Variants in BMP5 observed in about 807,000 individuals in gnomAD.
BMP5 encodes the protein bone morphogenetic protein 5.
In BMP5, 23 loss-of-function variants were observed where a neutral mutation model predicts 46.6. The observed-to-expected ratio is 0.49, with a 90% CI of 0.35 to 0.70. The LOEUF (loss-of-function observed/expected upper bound fraction) is 0.70, where lower values mean the gene tolerates loss of function less well. Among genes scored for constraint, BMP5 ranks in the 30% least tolerant of loss-of-function variants. The pLI, the probability that BMP5 is intolerant of heterozygous loss-of-function variation, is 0.00. For synonymous variants in BMP5, 204 were observed against 191.9 expected (o/e 1.06, Z -0.52); for missense variants, 545 against 565.6 (o/e 0.96, Z 0.37).
intron 1 of BMP5, among the ~76,000 whole-genome samples, chr6:55,827,788 A>G (rs1427296807): frequency 8.6e-5 from 13 of 151,842 alleles, no homozygotes; most frequent in African/African-American, 3.1e-4. Flanking sequence ...CATTCTGTAT[A>G]ATGAAAAATG....
intron 2 of BMP5, among the ~76,000 whole-genome samples, chr6:55,815,724 T>G (rs1188663271): frequency 6.6e-6 from 1 of 152,106 alleles, no homozygotes; most frequent in Admixed American, 6.6e-5. Flanking sequence ...AATTAAAATT[T>G]CCCAAAACTA....
chr6:55,769,401 T>C (rs1774994058), intron 4 of BMP5, among the ~76,000 whole-genome samples: 1 of 151,906 alleles, frequency 6.6e-6, no homozygotes, highest in East Asian at 1.9e-4. Flanking sequence ...TGCTCAACCA[T>C]AAGAAGCAAC....
At chr6:55,825,814 A>G (rs1289964857) in intron 1 of BMP5, among the ~76,000 whole-genome samples, 1 of 151,866 alleles carries the variant, frequency 6.6e-6, no homozygotes, top group Non-Finnish European at 1.5e-5. Context: ...AATCTCCCAC[A>G]CAAGAGCTGT....
chr6:55,785,298 A>C (rs948214477), intron 3 of BMP5, among the ~76,000 whole-genome samples: 3 of 151,858 alleles, frequency 2.0e-5, no homozygotes, highest in African/African-American at 7.2e-5. Context: ...AAATACATGG[A>C]GTATATTTTA....
At chr6:55,765,909 C>A (rs1774906015) in intron 4 of BMP5, among the ~76,000 whole-genome samples, 1 of 152,116 alleles carries the variant, frequency 6.6e-6, no homozygotes, top group Non-Finnish European at 1.5e-5. Flanking sequence ...AATCTATCCA[C>A]AAACCTGAAT....
intron 1 of BMP5, among the ~76,000 whole-genome samples, chr6:55,847,292 G>A (rs1562068151): frequency 6.6e-6 from 1 of 151,868 alleles, no homozygotes; most frequent in African/African-American, 2.4e-5. Flanking sequence ...CTCAACCAGG[G>A]CAGTCCCAGC....
In BMP5 at chr6:55,874,672, G is replaced by A. The variant is rs765020850; in HGVS notation, c.194C>T (p.Pro65Leu). 2.5e-6 allele frequency: 4 copies of A among 1,613,458 alleles called. No homozygotes were observed. The highest frequency in any genetic ancestry group is 3.4e-6 in the Non-Finnish European group (4 of 1,179,670). ...ILSILGLPHRPRPFSPGKQAS... is the reference protein window; with the variant it reads ...ILSILGLPHRLRPFSPGKQAS... ...TTGTTTTCCAGGTGAAAATGGTCTG[G>A]GTCTGTGAGGCAAACCCAAGATAGA... Residue 65 changes from proline to leucine, a missense_variant, in exon 1 of 7, where the codon CCC becomes CTC. Physicochemically the swap from Pro to Leu is moderately conservative, Grantham distance 98. Transcript: ENST00000370830.
chr6:55,808,607 C>T (rs1027829903), intron 2 of BMP5, among the ~76,000 whole-genome samples: 14 of 152,150 alleles, frequency 9.2e-5, no homozygotes, highest in African/African-American at 2.2e-4. Context: ...GGCGTGGGCT[C>T]ACACGTGGGA....
At chr6:55,805,835 T>A (rs540592415) in intron 2 of BMP5, among the ~76,000 whole-genome samples, 1 of 152,362 alleles carries the variant, frequency 6.6e-6, no homozygotes, top group Non-Finnish European at 1.5e-5. Flanking sequence ...TTGAGCTTTT[T>A]TTCATATGTT....
intron 2 of BMP5, among the ~76,000 whole-genome samples, chr6:55,818,783 G>A (rs1776338059): frequency 6.6e-6 from 1 of 152,072 alleles, no homozygotes. Flanking sequence ...CAGGAGACAG[G>A]ATAGCAATCT....
chr6:55,830,741 A>T (rs191252680), intron 1 of BMP5, among the ~76,000 whole-genome samples: 2 of 152,124 alleles, frequency 1.3e-5, no homozygotes, highest in African/African-American at 4.8e-5. Context: ...TAAATTTACA[A>T]TAGAAAAGGC....
intron 1 of BMP5, among the ~76,000 whole-genome samples, chr6:55,825,609 T>TC (rs909502874): frequency 2.0e-5 from 3 of 151,850 alleles, no homozygotes; most frequent in Non-Finnish European, 4.4e-5. Context: ...AGAAGTTGTT[T>TC]TTTTTTTCCT....
At chr6:55,785,850 C>T (rs1775435460) in intron 3 of BMP5, among the ~76,000 whole-genome samples, 2 of 151,508 alleles carry the variant, frequency 1.3e-5, no homozygotes. Flanking sequence ...GTAGAAGGCA[C>T]TCTAAAATGT....
chr6:55,791,583 A>G (rs1775573389), intron 3 of BMP5, among the ~76,000 whole-genome samples: 1 of 152,204 alleles, frequency 6.6e-6, no homozygotes, highest in South Asian at 2.1e-4. Context: ...GAGAAAATTA[A>G]TCATAGAGAA....
intron 1 of BMP5, among the ~76,000 whole-genome samples, chr6:55,862,277 G>C (rs1185255960): frequency 1.3e-5 from 2 of 152,132 alleles, no homozygotes; most frequent in African/African-American, 2.4e-5. Context: ...GGAAGTCATA[G>C]AATATTGGTC....
At chr6:55,797,680 G>A (rs1043836726) in intron 2 of BMP5, among the ~76,000 whole-genome samples, 13 of 146,104 alleles carry the variant, frequency 8.9e-5, no homozygotes, top group African/African-American at 2.6e-4. Flanking sequence ...GCAGTGGTGC[G>A]ATCTCAGCTC....
chr6:55,772,443 T>C (rs1775070643), intron 4 of BMP5, among the ~76,000 whole-genome samples: 1 of 151,952 alleles, frequency 6.6e-6, no homozygotes, highest in African/African-American at 2.4e-5. Context: ...TACTATTCTA[T>C]TCAAGGTTTA....
At chr6:55,826,653 C>T (rs1562057751) in intron 1 of BMP5, among the ~76,000 whole-genome samples, 1 of 151,134 alleles carries the variant, frequency 6.6e-6, no homozygotes, top group Non-Finnish European at 1.5e-5. Context: ...CTATGCATAC[C>T]AAGCATTGGT....
At chr6:55,759,181 A>AAAAAAAAAAAAAAAAAAAAAAC in intron 5 of BMP5, 66 bp from the exon 6 acceptor site, 1 of 751,026 alleles carries the variant, frequency 1.3e-6, no homozygotes, top group African/African-American at 2.7e-5. Context: ...AAAAAAAAAA[A>AAAAAAAAAAAAAAAAAAAAAAC]AACAACAAGA....
Sources: allele counts gnomAD v4.1 joint callset (sites outside exome capture counted in the v4.1 genomes callset), GRCh38; gene constraint gnomAD v4.1.1; transcripts MANE v1.5; gene names NCBI Gene and HGNC (gene_info 2026-07-23, HGNC 2026-07-21).